Variants in EXOC4 observed in about 807,000 individuals in gnomAD.
The protein encoded by EXOC4 is SEC8-like 1.
In EXOC4, 71 loss-of-function variants were observed where a neutral mutation model predicts 107.2. The ratio of observed to expected loss-of-function variants is 0.66; its 90% CI spans 0.55 to 0.81. The LOEUF (loss-of-function observed/expected upper bound fraction) is 0.81. Ranked by LOEUF, EXOC4 falls within the 30% of genes least tolerant of loss-of-function variation. The pLI is 0.00. For synonymous variants in EXOC4, 456 were observed against 441.2 expected, an observed-to-expected ratio of 1.03 and a Z score of -0.42; for missense variants, 1,108 against 1,189.6, an observed-to-expected ratio of 0.93 and a Z score of 1.01.
At chr7:133,694,348 A>C (rs1460767195) in intron 10 of EXOC4, among the ~76,000 whole-genome samples, 1 of 151,872 alleles carries the variant, frequency 6.6e-6, no homozygotes, top group Non-Finnish European at 1.5e-5. Flanking sequence ...TGAAATCTGC[A>C]TTTTTAAAGC....
At chr7:133,832,988 C>T (rs1797841924) in intron 11 of EXOC4, among the ~76,000 whole-genome samples, 2 of 152,168 alleles carry the variant, frequency 1.3e-5, no homozygotes, top group South Asian at 2.1e-4. Context: ...CATTCTTAGG[C>T]TCTCCTATAG....
At chr7:133,932,880 G>T (rs1222850020) in intron 13 of EXOC4, among the ~76,000 whole-genome samples, 1 of 151,586 alleles carries the variant, frequency 6.6e-6, no homozygotes, top group Admixed American at 6.6e-5. Context: ...GCAATAGGAA[G>T]TGGTGATGAA....
At chr7:134,067,630 T>TACACACACAC (rs1491203303), downstream of EXOC4, among the ~76,000 whole-genome samples, 110 of 20,258 alleles carry the variant, frequency 5.4e-3, no homozygotes, top group Middle Eastern at 0.048. Context: ...AACTCTTATA[T>TACACACACAC]ATATATATAC....
At chr7:133,521,721 G>A (rs1799983054) in intron 9 of EXOC4, among the ~76,000 whole-genome samples, 2 of 152,176 alleles carry the variant, frequency 1.3e-5, no homozygotes, top group South Asian at 4.1e-4. Context: ...CTGGGCTCAA[G>A]CAATTCTCCT....
At chr7:133,377,300 G>A (rs183741307) in intron 7 of EXOC4, among the ~76,000 whole-genome samples, 8 of 152,300 alleles carry the variant, frequency 5.3e-5, no homozygotes, top group African/African-American at 1.7e-4. Flanking sequence ...GTTGCAGTGA[G>A]CCAAGATTGT....
chr7:133,806,784 G>C (rs1169095348), intron 10 of EXOC4, among the ~76,000 whole-genome samples: 1 of 152,162 alleles, frequency 6.6e-6, no homozygotes, highest in East Asian at 1.9e-4. Flanking sequence ...GTATGACCTT[G>C]GGAAAGTAAC....
intron 9 of EXOC4, among the ~76,000 whole-genome samples, chr7:133,508,213 T>C (rs1799702296): frequency 1.3e-5 from 2 of 152,128 alleles, no homozygotes; most frequent in African/African-American, 4.8e-5. Flanking sequence ...ATGAAAGAAA[T>C]GAAATATGAA....
intron 1 of EXOC4, among the ~76,000 whole-genome samples, chr7:133,269,464 T>C (rs1321503326): frequency 6.6e-6 from 1 of 152,190 alleles, no homozygotes; most frequent in Admixed American, 6.5e-5. Flanking sequence ...CTAGACTGCT[T>C]TGAGGATTGT....
chr7:133,634,013 G>A (rs776277720), intron 10 of EXOC4, among the ~76,000 whole-genome samples: 37 of 152,200 alleles, frequency 2.4e-4, no homozygotes, highest in African/African-American at 4.8e-4. Context: ...CTAGCAGTGC[G>A]TTCTTTGCAG....
rs1241597354 is a variant in EXOC4 at position 133,752,043 on chromosome 7, C to T, written c.1515-65282C>T. On this transcript the variant is annotated intron_variant, in intron 10 of 17. Transcript: ENST00000253861. The stretch of plus-strand genomic sequence containing the variant: ...CTGGGCACTGTGGTATGCCTATAGT[C>T]CTAGCTACTTGGGAGAAAAAGGCAG... 3.3e-5 allele frequency among the ~76,000 whole-genome samples: 5 copies of T among 151,374 alleles called. No individual in the cohort carries two copies. The East Asian group carries it at 9.7e-4, about 29-fold the overall frequency.
intron 10 of EXOC4, among the ~76,000 whole-genome samples, chr7:133,689,373 GC>G (rs1362331899): frequency 6.6e-6 from 1 of 152,128 alleles, no homozygotes; most frequent in African/African-American, 2.4e-5. Flanking sequence ...TTCAAGGGGG[GC>G]TACTACAATG....
In EXOC4 at chr7:134,004,105, T is replaced by C. The variant is rs140471393; in HGVS notation, c.2349-807T>C. 5.0e-3 allele frequency among the ~76,000 whole-genome samples: 767 copies of C among 152,300 alleles called. 5 individuals are homozygous for C. The highest frequency in any genetic ancestry group is 0.017 in the African/African-American group (709 of 41,560). ...TGAGATGCTGTTCTCTTTTAGTCAT[T>C]TTTTTCTTAATCTACCCCACTAGGT... On this transcript the variant is annotated intron_variant, in intron 15 of 17. Coordinates refer to ENST00000253861, the MANE Select transcript of EXOC4 (RefSeq NM_021807.4).
intron 7 of EXOC4, among the ~76,000 whole-genome samples, chr7:133,464,471 A>G (rs573573407): frequency 8.7e-4 from 133 of 152,286 alleles, no homozygotes; most frequent in African/African-American, 3.0e-3. Flanking sequence ...AGTGATTCCT[A>G]TGTGCAGACC....
At chr7:133,518,775 T>C (rs1015213736) in intron 9 of EXOC4, among the ~76,000 whole-genome samples, 6 of 152,094 alleles carry the variant, frequency 3.9e-5, no homozygotes, top group Non-Finnish European at 7.4e-5. Flanking sequence ...AGATGGTATC[T>C]AAAGTAGTCA....
At chr7:133,907,854 AGAAGGAGGG>A (rs1474955287) in intron 12 of EXOC4, among the ~76,000 whole-genome samples, 2 of 151,902 alleles carry the variant, frequency 1.3e-5, no homozygotes, top group African/African-American at 2.4e-5. Flanking sequence ...GGAGAGAGAA[AGAAGGAGGG>A]GAAGGAGGGA....
At chr7:133,443,986 G>A (rs1239313221) in intron 7 of EXOC4, among the ~76,000 whole-genome samples, 2 of 152,194 alleles carry the variant, frequency 1.3e-5, no homozygotes, top group African/African-American at 4.8e-5. Context: ...ATGTAGTTCA[G>A]GGAATTAGGA....
intron 12 of EXOC4, among the ~76,000 whole-genome samples, chr7:133,916,401 C>G (rs1224600097): frequency 1.3e-5 from 2 of 152,178 alleles, no homozygotes; most frequent in African/African-American, 4.8e-5. Context: ...TACCTTAAGT[C>G]AGTCTGTCAT....
chr7:133,253,534 C>T (rs1442541250), intron 1 of EXOC4: 2 of 1,020,930 alleles, frequency 2.0e-6, no homozygotes, highest in South Asian at 4.1e-5. Flanking sequence ...TATTGTTTGC[C>T]TGTAGCAGCA....
intron 10 of EXOC4, among the ~76,000 whole-genome samples, chr7:133,634,423 C>G (rs530934155): frequency 6.6e-6 from 1 of 152,020 alleles, no homozygotes; most frequent in Non-Finnish European, 1.5e-5. Flanking sequence ...CTTAGCCTAC[C>G]AAGACATTGT....
Sources: gnomAD v4.1 joint callset for allele counts (sites outside exome capture counted in the v4.1 genomes callset) on GRCh38, gnomAD v4.1.1 for gene constraint, MANE v1.5 for transcripts, NCBI Gene and HGNC (gene_info 2026-07-23, HGNC 2026-07-21) for gene names.